The following BIN1 variants were observed in gnomAD, a reference collection of about 807,000 sequenced individuals.
BIN1 encodes the protein bridging integrator 1, also known as myc box-dependent-interacting protein 1.
Under a neutral mutation model 82.0 loss-of-function variants are expected in BIN1, and 53 were observed. That is an observed-to-expected ratio of 0.65 (90% CI 0.52 to 0.81). The LOEUF (loss-of-function observed/expected upper bound fraction) is 0.81. Ranked by LOEUF, BIN1 falls within the 40% of genes least tolerant of loss-of-function variation. BIN1 has a pLI of 0.00. For synonymous variants in BIN1, 302 were observed against 328.0 expected, an observed-to-expected ratio of 0.92 and a Z score of 0.86; for missense variants, 642 against 784.4, an observed-to-expected ratio of 0.82 and a Z score of 2.17.
At chr2:127,065,937 C>T (rs6735795) in intron 7 of BIN1, among the ~76,000 whole-genome samples, 9 of 152,226 alleles carry the variant, frequency 5.9e-5, no homozygotes, top group African/African-American at 1.9e-4. Flanking sequence ...GGAGAGAGTG[C>T]CCCCACCCCA....
Position 127,090,672 on chromosome 2 carries a change from C to T in BIN1, c.85-13966G>A, listed in dbSNP as rs1052351681. On this transcript the variant is annotated intron_variant, in intron 1 of 18. Transcript: ENST00000316724. This position sits in a 1 kb window ranked among gnomAD's most constrained non-coding sequence, Gnocchi z 6.4. ...GGAGGAGCAGAGCACCAGCCCAGCCCCAGCCAGGGCACAGCTGTGGGTGGG... is the reference window on the plus strand; with the variant it reads ...GGAGGAGCAGAGCACCAGCCCAGCCTCAGCCAGGGCACAGCTGTGGGTGGG... 2.6e-5 allele frequency among the ~76,000 whole-genome samples: 4 copies of T among 152,234 alleles called. No individual in the cohort carries two copies. Among genetic ancestry groups the T allele is most frequent in the Admixed American group, 6.5e-5 (1 of 15,294 alleles).
chr2:127,052,929 C>A (rs1683154716), intron 14 of BIN1: 2 of 263,786 alleles, frequency 7.6e-6, no homozygotes, highest in South Asian at 4.9e-5. Flanking sequence ...TGCCTGCAGG[C>A]CCTGCTCTCA....
At chr2:127,095,513 T>C (rs998013088) in intron 1 of BIN1, among the ~76,000 whole-genome samples, 4 of 152,154 alleles carry the variant, frequency 2.6e-5, no homozygotes, top group African/African-American at 9.7e-5. Flanking sequence ...CCCCCAAACA[T>C]ATGCCAGGTG....
rs1230010100 is a variant in BIN1 at position 127,051,189 on chromosome 2, C to G, written c.1426G>C (p.Glu476Gln). 1 of 1,613,390 alleles carries G rather than the reference C, an allele frequency of 6.2e-7. No homozygotes were observed. Among genetic ancestry groups the G allele is most frequent in the Non-Finnish European group, 8.5e-7 (1 of 1,179,934 alleles). ...GGTQPAAGAQ[E>Q]PGETAASEAA... ...TCACTTGCCGCCGTCTCCCCTGGCT[C>G]CTGGGCTCCAGCCGCAGGTTGGGTC... The change falls in exon 16 of 19, where the codon GAG (glutamate) becomes CAG (glutamine). Residue 476 changes from glutamate to glutamine, a missense_variant. By Grantham distance (29) the Glu-to-Gln change is conservative. Coordinates refer to ENST00000316724, the MANE Select transcript of BIN1 (RefSeq NM_139343.3).
In BIN1 at chr2:127,076,621, C is replaced by T. The variant is rs753815588; in HGVS notation, c.165+5G>A. ...TCCCTAAGGCCAAGGGCCACCCACA[C>T]TCACCAGCTGCTTGTTGAAATTCTG... On this transcript the variant is annotated splice_donor_5th_base_variant and intron_variant, in intron 2 of 18. Transcript: ENST00000316724. The T allele has an allele frequency of 6.2e-7, 1 of 1,614,184 alleles. No individual in the cohort carries two copies. Among genetic ancestry groups the T allele is most frequent in the Admixed American group, 1.7e-5 (1 of 60,032 alleles).
At chr2:127,097,190 CG>C (rs1558882233) in intron 1 of BIN1, among the ~76,000 whole-genome samples, 1 of 152,214 alleles carries the variant, frequency 6.6e-6, no homozygotes, top group East Asian at 1.9e-4. Flanking sequence ...TCCCAGTCAA[CG>C]GCCTGGCCAC....
At chr2:127,063,781 A>AGGCT in intron 8 of BIN1, 135 bp from the exon 9 acceptor site, 1 of 1,393,978 alleles carries the variant, frequency 7.2e-7, no homozygotes, top group Non-Finnish European at 1.0e-6. Context: ...CGCAGCACTC[A>AGGCT]GGCTGGACAC....
chr2:127,078,455 G>A (rs1457023215), intron 1 of BIN1, among the ~76,000 whole-genome samples: 1 of 152,204 alleles, frequency 6.6e-6, no homozygotes, highest in African/African-American at 2.4e-5. Flanking sequence ...AAGGAGACCA[G>A]AAAGATGGAG....
chr2:127,050,959 A>T (rs1214739530), intron 16 of BIN1, 47 bp from the exon 17 acceptor site: 3 of 1,579,968 alleles, frequency 1.9e-6, no homozygotes, highest in Non-Finnish European at 2.6e-6. Context: ...TGGTCCAGGG[A>T]CAGCCAGGGC....
At chr2:127,084,377 A>C (rs1436226647) in intron 1 of BIN1, among the ~76,000 whole-genome samples, 1 of 152,190 alleles carries the variant, frequency 6.6e-6, no homozygotes, top group South Asian at 2.1e-4. Flanking sequence ...TTCGTGATTC[A>C]TTTTGATGCT....
intron 11 of BIN1, among the ~76,000 whole-genome samples, chr2:127,058,397 A>G (rs1043582886): frequency 6.6e-6 from 1 of 152,136 alleles, no homozygotes; most frequent in Non-Finnish European, 1.5e-5. Context: ...GAGCTGCAGG[A>G]TCCCCGGCTA....
intron 2 of BIN1, among the ~76,000 whole-genome samples, chr2:127,073,554 T>G (rs1265061151): frequency 6.6e-6 from 1 of 152,094 alleles, no homozygotes; most frequent in East Asian, 1.9e-4. Flanking sequence ...TCCCCACAGG[T>G]GGCCTGAGCA....
chr2:127,077,054 A>G (rs1190127550), intron 1 of BIN1, among the ~76,000 whole-genome samples: 1 of 152,006 alleles, frequency 6.6e-6, no homozygotes, highest in Non-Finnish European at 1.5e-5. Flanking sequence ...CTCCGCCCCC[A>G]CCCTGGAAGC....
chr2:127,070,477 G>C, intron 4 of BIN1, 76 bp downstream of exon 4: 1 of 1,546,380 alleles, frequency 6.5e-7, no homozygotes, highest in Non-Finnish European at 8.9e-7. Flanking sequence ...TTGTCCCAGA[G>C]GGCACGGCAG....
Position 127,048,046 on chromosome 2 carries a change from AT to A in BIN1, c.*479del, listed in dbSNP as rs367627116. On this transcript the variant is annotated 3_prime_UTR_variant, in exon 19 of 19. Coordinates refer to ENST00000316724, the MANE Select transcript of BIN1 (RefSeq NM_139343.3). ...CACACGTTTTCTGAGAGTTTTTATCATTTTTTTTTTGTTTCATTTTGTTTTG... is the reference window on the plus strand; with the variant it reads ...CACACGTTTTCTGAGAGTTTTTATCATTTTTTTTTGTTTCATTTTGTTTTG... 0.026 allele frequency: 4,823 copies of A among 188,788 alleles called. 116 individuals are homozygous for A. The highest frequency in any genetic ancestry group is 0.067 in the African/African-American group (2,807 of 41,786). The allele number at this position is 188,788 out of a possible 1,614,324, so 11.7% of individuals were successfully genotyped here. A position where few individuals can be genotyped will look rare whatever the true frequency, so the allele number is the denominator to read the frequency against.
intron 1 of BIN1, among the ~76,000 whole-genome samples, chr2:127,088,636 G>A (rs1019310251): frequency 1.3e-5 from 2 of 152,036 alleles, no homozygotes; most frequent in Non-Finnish European, 2.9e-5. Flanking sequence ...TACTGGGGAG[G>A]CTAGGGCAGG....
chr2:127,080,037 G>A lies in BIN1; in HGVS notation c.85-3331C>T, dbSNP rs535638067. ...GGAATAACAAGGCCACAGCATGGCC[G>A]AGGCCCAGGGAAGACCCATGGGCGA... On this transcript the variant is annotated intron_variant, in intron 1 of 18. Transcript: ENST00000316724. Among the ~76,000 whole-genome samples, 82 of 152,328 alleles carry A rather than the reference G, an allele frequency of 5.4e-4. No individual in the cohort carries two copies. In the Middle Eastern group the frequency reaches 0.014, roughly 25 times the overall value.
intron 1 of BIN1, among the ~76,000 whole-genome samples, chr2:127,089,381 G>A (rs546467385): frequency 3.9e-5 from 6 of 152,302 alleles, no homozygotes; most frequent in East Asian, 1.9e-4. Flanking sequence ...CTTCAGGAGC[G>A]CAGTGGGGCA....
At chr2:127,053,389 A>AGG in intron 14 of BIN1, 33 bp downstream of exon 14, 1 of 1,613,298 alleles carries the variant, frequency 6.2e-7, no homozygotes, top group Non-Finnish European at 8.5e-7. Context: ...TGGCTCCCCC[A>AGG]GGGGCTGGAC....
Sources: gnomAD v4.1 joint callset for allele counts (sites outside exome capture counted in the v4.1 genomes callset) on GRCh38, gnomAD v4.1.1 for gene constraint, Gnocchi (gnomAD v3.1) non-coding constraint, MANE v1.5 for transcripts, NCBI Gene and HGNC (gene_info 2026-07-23, HGNC 2026-07-21) for gene names.